NPAP1: variants seen among roughly 807,000 people sequenced by gnomAD.
The protein encoded by NPAP1 is nuclear pore associated protein 1.
For synonymous variants in NPAP1, 616 were observed against 581.4 expected (o/e 1.06, Z -0.86); for missense variants, 1,483 against 1,454.5 (o/e 1.02, Z -0.32).
Position 24,678,858 on chromosome 15 carries a change from G to T in NPAP1, c.2991G>T (p.Leu997=), listed in dbSNP as rs919442957. Residue 997 remains leucine, a synonymous_variant, in exon 1 of 1, where the codon CTG becomes CTT. Coordinates refer to ENST00000329468, the MANE Select transcript of NPAP1 (RefSeq NM_018958.3). ...CTGGCACTGGAGACAGTACCTTACT[G>T]GTTGGAAATACTATTCCAGGCCCAC... is the stretch of plus-strand genomic sequence containing the variant. The part of the protein sequence containing the change: ...GMPGTGDSTL[L]VGNTIPGPQV... 6.8e-6 allele frequency: 11 copies of T among 1,614,054 alleles called. No homozygotes were observed. Among genetic ancestry groups the T allele is most frequent in the Non-Finnish European group, 6.8e-6 (8 of 1,180,034 alleles).
rs373587469 is a variant in NPAP1 at position 24,676,616 on chromosome 15, G to A, written c.749G>A (p.Arg250Gln). ...ACACACAGCCAGGCCGGATGTGCCC[G>A]GCATCTTGGAAAGCCTGATCCGGAT... ...PSTHSQAGCA[R>Q]HLGKPDPDAT... Residue 250 changes from arginine to glutamine, a missense_variant, in exon 1 of 1, where the codon CGG (arginine) becomes CAG (glutamine). Physicochemically the swap from Arg to Gln is conservative, Grantham distance 43. Coordinates refer to ENST00000329468, the MANE Select transcript of NPAP1 (RefSeq NM_018958.3). 30 of 1,613,852 alleles carry A rather than the reference G, an allele frequency of 1.9e-5. No individual in the cohort carries two copies. The highest frequency in any genetic ancestry group is 1.5e-4 in the Admixed American group (9 of 60,030).
At position 24,678,644 on chromosome 15, in the gene NPAP1, T is replaced by G. The variant is rs1395254275; in HGVS notation, c.2777T>G (p.Ile926Arg). 1 of 1,614,114 alleles carries G rather than the reference T, an allele frequency of 6.2e-7. No individual in the cohort carries two copies. Among genetic ancestry groups the G allele is most frequent in the Non-Finnish European group, 8.5e-7 (1 of 1,180,026 alleles). ...LGNPATPAPV[I>R]GLTSPSVQPL... is the part of the protein sequence containing the mutation. ...AATCCAGCAACCCCAGCACCAGTTA[T>G]AGGCTTAACATCTCCTTCAGTCCAG... Residue 926 changes from isoleucine to arginine, a missense_variant, in exon 1 of 1, where the codon ATA becomes AGA. By Grantham distance (97) the Ile-to-Arg change is moderately conservative. Transcript: ENST00000329468.
chr15:24,677,262 TC>T, the NPAP1 span: 1 of 1,614,148 alleles, frequency 6.2e-7, no homozygotes, highest in Non-Finnish European at 8.5e-7. Context: ...CTCTGGCTCT[TC>T]CTGCTGACCT....
rs778802437 is a variant in NPAP1 at position 24,676,207 on chromosome 15, G to A, written c.340G>A (p.Val114Ile). Residue 114 changes from valine (V) to isoleucine (I), a missense_variant, in exon 1 of 1, where the codon GTA (valine) becomes ATA (isoleucine). Val to Ile is a conservative substitution (Grantham distance 29). Coordinates refer to ENST00000329468, the MANE Select transcript of NPAP1 (RefSeq NM_018958.3). ...CCCGAGGTTTGGACACCCCAGTTCC[G>A]TAAGGATCCCTCCTCCCAGCCGCAT... Reference protein sequence around the residue: ...NPPRFGHPSSVRIPPPSRMFT... With the variant: ...NPPRFGHPSSIRIPPPSRMFT... 3 of 1,537,330 alleles carry A rather than the reference G, an allele frequency of 2.0e-6. No individual in the cohort carries two copies. The highest frequency in any genetic ancestry group is 2.1e-5 in the Admixed American group (1 of 46,972).
rs751361960 is a variant in NPAP1 at position 24,679,335 on chromosome 15, G to A, written c.3468G>A (p.Pro1156=). The change falls in exon 1 of 1, where the codon CCG becomes CCA. Residue 1156 remains proline (P), a synonymous_variant. Coordinates refer to ENST00000329468, the MANE Select transcript of NPAP1 (RefSeq NM_018958.3). The part of the protein sequence containing the change: ...YVRRHVCFQL[P] ...GGAGACATGTCTGTTTCCAACTTCC[G>A]TAAGAGCACCTGTGGTTCACCTGAT... 25 of 1,606,416 alleles carry A rather than the reference G, an allele frequency of 1.6e-5. No individual in the cohort carries two copies. Among genetic ancestry groups the A allele is most frequent in the East Asian group, 6.7e-5 (3 of 44,836 alleles).
Position 24,677,662 on chromosome 15 carries a change from T to G in NPAP1, c.1795T>G (p.Ser599Ala). 1 of 1,614,078 alleles carries G rather than the reference T, an allele frequency of 6.2e-7. No homozygotes were observed. The highest frequency in any genetic ancestry group is 8.5e-7 in the Non-Finnish European group (1 of 1,180,006). The change falls in exon 1 of 1, where the codon TCT (serine) becomes GCT (alanine). Residue 599 changes from serine to alanine, a missense_variant. Ser to Ala is a moderately conservative substitution (Grantham distance 99). Coordinates refer to ENST00000329468, the MANE Select transcript of NPAP1 (RefSeq NM_018958.3). ...ATCTTCCCTAAGCTCCAGAGTGAGC[T>G]CTCTCCCAAATTCCCAAATACATTG... Reference protein sequence around the residue: ...FTSSLSSRVSSLPNSQIHCSA... With the variant: ...FTSSLSSRVSALPNSQIHCSA...
Position 24,678,635 on chromosome 15 carries a change from C to G in NPAP1, c.2768C>G (p.Ala923Gly), listed in dbSNP as rs747393900. The change falls in exon 1 of 1, where the codon GCA becomes GGA. Residue 923 changes from alanine (A) to glycine (G), a missense_variant. Ala to Gly is a moderately conservative substitution (Grantham distance 60, BLOSUM62 0). Transcript: ENST00000329468. ...ATTCTGGGGAATCCAGCAACCCCAG[C>G]ACCAGTTATAGGCTTAACATCTCCT... ...SFILGNPATP[A>G]PVIGLTSPSV... The G allele has an allele frequency of 6.2e-7, 1 of 1,614,064 alleles. No individual in the cohort carries two copies. Among genetic ancestry groups the G allele is most frequent in the Admixed American group, 1.7e-5 (1 of 60,030 alleles).
rs1368621811 is a variant in NPAP1, at chr15:24,678,575, C to T, written c.2708C>T (p.Ala903Val). ...TCCATCTCTCATTCCACACTTGGGG[C>T]CACTGATGGGCAGCAGAAGTCTGAC... is the stretch of plus-strand genomic sequence containing the variant. ...TGSISHSTLG[A>V]TDGQQKSDSS... Residue 903 changes from alanine to valine, a missense_variant, in exon 1 of 1, where the codon GCC becomes GTC. By Grantham distance (64) the Ala-to-Val change is moderately conservative. Coordinates refer to ENST00000329468, the MANE Select transcript of NPAP1 (RefSeq NM_018958.3). The T allele has an allele frequency of 6.2e-7, 1 of 1,614,096 alleles. No individual in the cohort carries two copies. Among genetic ancestry groups the T allele is most frequent in the Non-Finnish European group, 8.5e-7 (1 of 1,180,050 alleles).
rs2141313179 is a variant in NPAP1 at position 24,678,672 on chromosome 15, A to T, written c.2805A>T (p.Pro935=). 1 of 1,614,210 alleles carries T rather than the reference A, an allele frequency of 6.2e-7. No individual in the cohort carries two copies. ...VIGLTSPSVQ[P]LSGSIIPPGF... ...GCTTAACATCTCCTTCAGTCCAGCCACTGAGTGGCAGCATAATTCCACCAG... is the reference window on the plus strand; with the variant it reads ...GCTTAACATCTCCTTCAGTCCAGCCTCTGAGTGGCAGCATAATTCCACCAG... The change falls in exon 1 of 1, where the codon CCA becomes CCT. Residue 935 remains proline (P), a synonymous_variant. Coordinates refer to ENST00000329468, the MANE Select transcript of NPAP1 (RefSeq NM_018958.3).
At position 24,676,726 on chromosome 15, in the gene NPAP1, C is replaced by A. The variant is rs1157895487; in HGVS notation, c.859C>A (p.Pro287Thr). The A allele has an allele frequency of 2.5e-6, 4 of 1,614,054 alleles. No individual in the cohort carries two copies. The highest frequency in any genetic ancestry group is 1.6e-4 in the Middle Eastern group (1 of 6,062). ...GGAAGTGCTGAATGAAGAGCCACCG[C>A]CCAGCTCCCTAGGCTTGCCGATTCC... ...AAEVLNEEPP[P>T]SSLGLPIPLM... is the part of the protein sequence containing the mutation. Residue 287 changes from proline (P) to threonine (T), a missense_variant, in exon 1 of 1, where the codon CCC becomes ACC. Physicochemically the swap from Pro to Thr is conservative, Grantham distance 38. Coordinates refer to ENST00000329468, the MANE Select transcript of NPAP1 (RefSeq NM_018958.3).
rs560519104 is a variant in NPAP1 at position 24,680,439 on chromosome 15, A to G, written c.*1101A>G. The G allele has an allele frequency of 6.0e-6, 1 of 167,092 alleles. No homozygotes were observed. Among genetic ancestry groups the G allele is most frequent in the Non-Finnish European group, 1.5e-5 (1 of 68,148 alleles). The allele number at this position is 167,092 out of a possible 1,614,324, so 10.4% of individuals were successfully genotyped here. The stretch of plus-strand genomic sequence containing the variant: ...AGCCACCAACTCATTTTTTACTCCT[A>G]TCAATGGTCTTAAGAAATAAGCACT... On this transcript the variant is annotated 3_prime_UTR_variant, in exon 1 of 1. Coordinates refer to ENST00000329468, the MANE Select transcript of NPAP1 (RefSeq NM_018958.3).
Position 24,676,470 on chromosome 15 carries a change from C to G in NPAP1, c.603C>G (p.Phe201Leu), listed in dbSNP as rs2141308090. The G allele has an allele frequency of 6.2e-7, 1 of 1,614,040 alleles. No homozygotes were observed. Among genetic ancestry groups the G allele is most frequent in the East Asian group, 2.2e-5 (1 of 44,858 alleles). ...SQGTQGDVAS[F>L]RCSPGPLEGN... ...GCACCCAGGGAGACGTGGCCTCCTT[C>G]AGATGCAGCCCTGGGCCTCTGGAGG... is the stretch of plus-strand genomic sequence containing the variant. Residue 201 changes from phenylalanine to leucine, a missense_variant, in exon 1 of 1, where the codon TTC (phenylalanine) becomes TTG (leucine). Transcript: ENST00000329468.
rs763582372 is a variant in NPAP1 at position 24,677,873 on chromosome 15, G to A, written c.2006G>A (p.Ser669Asn). The A allele has an allele frequency of 6.2e-7, 1 of 1,613,644 alleles. No individual in the cohort carries two copies. The highest frequency in any genetic ancestry group is 1.1e-5 in the South Asian group (1 of 91,032). ...ASLPSACVFL[S>N]LPIIPPPDTS... The stretch of plus-strand genomic sequence containing the variant: ...CTCCCCAGTGCCTGTGTTTTCCTGA[G>A]CCTTCCCATCATTCCTCCTCCAGAC... Residue 669 changes from serine (S) to asparagine (N), a missense_variant, in exon 1 of 1, where the codon AGC (serine) becomes AAC (asparagine). Physicochemically the swap from Ser to Asn is conservative, Grantham distance 46. Coordinates refer to ENST00000329468, the MANE Select transcript of NPAP1 (RefSeq NM_018958.3).
rs1397493849 is a variant in NPAP1, at chr15:24,679,502, G to A, written c.*164G>A. The A allele has an allele frequency of 3.2e-6, 2 of 630,024 alleles. No individual in the cohort carries two copies. The highest frequency in any genetic ancestry group is 5.7e-6 in the Non-Finnish European group (2 of 350,164). 39.0% of individuals were successfully genotyped at this position (630,024 alleles called of 1,614,324 possible). ...ACCAGGAGGGGACAACAACATCCCTGTGCTCCCTTTCTCTGTCAGTACACA... is the reference window on the plus strand; with the variant it reads ...ACCAGGAGGGGACAACAACATCCCTATGCTCCCTTTCTCTGTCAGTACACA... On this transcript the variant is annotated 3_prime_UTR_variant, in exon 1 of 1. Coordinates refer to ENST00000329468, the MANE Select transcript of NPAP1 (RefSeq NM_018958.3).
chr15:24,676,913 G>T lies in NPAP1; in HGVS notation c.1046G>T (p.Gly349Val), dbSNP rs2141309122. Residue 349 changes from glycine to valine, a missense_variant, in exon 1 of 1, where the codon GGT becomes GTT. Coordinates refer to ENST00000329468, the MANE Select transcript of NPAP1 (RefSeq NM_018958.3). The stretch of plus-strand genomic sequence containing the variant: ...TCACTGCCATTGCTGTGGGATCGAG[G>T]TGAGCTTCCCCCACCTGCTAAGCTC... Reference protein sequence around the residue: ...PPSLPLLWDRGELPPPAKLPC... With the variant: ...PPSLPLLWDRVELPPPAKLPC... 2 of 1,613,744 alleles carry T rather than the reference G, an allele frequency of 1.2e-6. No individual in the cohort carries two copies. The highest frequency in any genetic ancestry group is 2.2e-5 in the South Asian group (2 of 91,076).
Position 24,680,034 on chromosome 15 carries a change from A to C in NPAP1, c.*696A>C, listed in dbSNP as rs942722842. 2.6e-5 allele frequency: 5 copies of C among 188,748 alleles called. No homozygotes were observed. The highest frequency in any genetic ancestry group is 1.5e-4 in the South Asian group (1 of 6,732). 11.7% of individuals were successfully genotyped at this position (188,748 alleles called of 1,614,324 possible). ...TTGTTTGTTTTTGAGACGGAGCCTT[A>C]GCCCAGGCTGGAGTGTAGTAGCACA... On this transcript the variant is annotated 3_prime_UTR_variant, in exon 1 of 1. Coordinates refer to ENST00000329468, the MANE Select transcript of NPAP1 (RefSeq NM_018958.3).
In NPAP1 at chr15:24,678,947, C is replaced by T. The variant is rs867938362; in HGVS notation, c.3080C>T (p.Pro1027Leu). The T allele has an allele frequency of 1.9e-6, 3 of 1,614,020 alleles. No individual in the cohort carries two copies. In the African/African-American group the frequency reaches 4.0e-5, roughly 22 times the overall value. ...GGSIGFSMSA[P>L]GPSSTSGELN... ...AGCATTGGGTTCAGCATGTCTGCCC[C>T]AGGCCCCAGTTCCACATCAGGAGAA... Residue 1027 changes from proline (P) to leucine (L), a missense_variant, in exon 1 of 1, where the codon CCA (proline) becomes CTA (leucine). Transcript: ENST00000329468.
chr15:24,676,637 C>A lies in NPAP1; in HGVS notation c.770C>A (p.Pro257Gln). ...GCCCGGCATCTTGGAAAGCCTGATCCGGATGCAACAGCGCCCCCTGAGCCA... is the reference window on the plus strand; with the variant it reads ...GCCCGGCATCTTGGAAAGCCTGATCAGGATGCAACAGCGCCCCCTGAGCCA... ...GCARHLGKPDPDATAPPEPAV... is the reference protein window; with the variant it reads ...GCARHLGKPDQDATAPPEPAV... The change falls in exon 1 of 1, where the codon CCG becomes CAG. Residue 257 changes from proline to glutamine, a missense_variant. Pro to Gln is a moderately conservative substitution (Grantham distance 76). Transcript: ENST00000329468. 1 of 1,613,948 alleles carries A rather than the reference C, an allele frequency of 6.2e-7. No homozygotes were observed. Among genetic ancestry groups the A allele is most frequent in the Non-Finnish European group, 8.5e-7 (1 of 1,180,020 alleles).
At position 24,677,365 on chromosome 15, in the gene NPAP1, C is replaced by T. The variant is rs2141310196; in HGVS notation, c.1498C>T (p.Pro500Ser). Residue 500 changes from proline (P) to serine (S), a missense_variant, in exon 1 of 1, where the codon CCT becomes TCT. Coordinates refer to ENST00000329468, the MANE Select transcript of NPAP1 (RefSeq NM_018958.3). ...GCCTCTCACTTCTGACCCCCCAACA[C>T]CTCCTAGCTCCACACCCTCCTTCAA... ...AAPLTSDPPT[P>S]PSSTPSFKPP... 2 of 1,614,046 alleles carry T rather than the reference C, an allele frequency of 1.2e-6. No homozygotes were observed. The highest frequency in any genetic ancestry group is 1.3e-5 in the African/African-American group (1 of 75,042).
Sources: gnomAD v4.1 joint callset for allele counts on GRCh38, gnomAD v4.1.1 for gene constraint, MANE v1.5 for transcripts, NCBI Gene and HGNC (gene_info 2026-07-23, HGNC 2026-07-21) for gene names.